TENM3: variants seen among roughly 807,000 people sequenced by gnomAD.
The protein encoded by TENM3 is teneurin-3.
Under a neutral mutation model 255.1 loss-of-function variants are expected in TENM3, and 63 were observed. The ratio of observed to expected loss-of-function variants is 0.25; its 90% confidence interval spans 0.20 to 0.30. The LOEUF is 0.30. TENM3 is among the 10% of genes least tolerant of loss of function. TENM3 has a pLI of 1.00. For synonymous variants in TENM3, 1,306 were observed against 1,322.3 expected (o/e 0.99, Z 0.27); for missense variants, 2,929 against 3,461.1 (o/e 0.85, Z 3.86).
At chr4:182,365,615 T>C (rs569404268) in intron 3 of TENM3, among the ~76,000 whole-genome samples, 65 of 152,352 alleles carry the variant, frequency 4.3e-4, no homozygotes, top group African/African-American at 1.4e-3. Flanking sequence ...TCTGTATCCT[T>C]ATTGAGTAAA....
At chr4:182,167,653 G>A (rs980935076) in intron 1 of TENM3, among the ~76,000 whole-genome samples, 2 of 152,110 alleles carry the variant, frequency 1.3e-5, no homozygotes, top group African/African-American at 4.8e-5. Flanking sequence ...CTGGTGGATT[G>A]CTAGAGCCCA....
chr4:181,719,763 A>G, the TENM3 span, among the ~76,000 whole-genome samples: 1 of 152,260 alleles, frequency 6.6e-6, no homozygotes, highest in Admixed American at 6.5e-5. Context: ...ATTGTAAGCA[A>G]TAGTCTCTAT....
chr4:181,578,244 T>TTGTG, the TENM3 span, among the ~76,000 whole-genome samples: 73 of 151,782 alleles, frequency 4.8e-4, no homozygotes, highest in African/African-American at 1.7e-3. Context: ...CTTTGTTTGT[T>TTGTG]TTCCCTCTTG....
chr4:181,807,356 A>G, the TENM3 span, among the ~76,000 whole-genome samples: 2 of 152,290 alleles, frequency 1.3e-5, no homozygotes, highest in South Asian at 2.1e-4. Flanking sequence ...TCCTTCGAAC[A>G]CTTTTTTTCT....
chr4:182,177,319 TTTC>T (rs1355926287), intron 1 of TENM3, among the ~76,000 whole-genome samples: 2 of 152,092 alleles, frequency 1.3e-5, no homozygotes. Flanking sequence ...ACACTTTCAC[TTTC>T]TCAATCTAAA....
chr4:182,410,072 C>T (rs1018791406), intron 3 of TENM3, among the ~76,000 whole-genome samples: 1 of 152,196 alleles, frequency 6.6e-6, no homozygotes, highest in Non-Finnish European at 1.5e-5. Context: ...AGCTGTCTGC[C>T]TGCCTTGGGC....
At chr4:181,614,637 C>T in the TENM3 span, among the ~76,000 whole-genome samples, 15 of 152,348 alleles carry the variant, frequency 9.8e-5, no homozygotes, top group East Asian at 2.3e-3. Flanking sequence ...GAGCTTACCA[C>T]ATTTCCTCAC....
upstream of TENM3, among the ~76,000 whole-genome samples, chr4:182,240,368 C>T (rs1428337688): frequency 1.3e-5 from 2 of 152,136 alleles, no homozygotes; most frequent in Non-Finnish European, 2.9e-5. Context: ...AGAGCGCTCC[C>T]CACATTCTTT....
At chr4:182,396,886 C>T (rs999589327) in intron 3 of TENM3, among the ~76,000 whole-genome samples, 5 of 151,538 alleles carry the variant, frequency 3.3e-5, no homozygotes, top group African/African-American at 7.3e-5. Flanking sequence ...TGCTTGTACG[C>T]GAGAGTGGGA....
chr4:182,505,390 A>G (rs1277819688), intron 3 of TENM3, among the ~76,000 whole-genome samples: 1 of 152,174 alleles, frequency 6.6e-6, no homozygotes, highest in East Asian at 1.9e-4. Flanking sequence ...TTAAATGTCT[A>G]AATTATTATA....
intron 3 of TENM3, among the ~76,000 whole-genome samples, chr4:182,366,091 T>C (rs537971210): frequency 6.6e-6 from 1 of 152,296 alleles, no homozygotes; most frequent in South Asian, 2.1e-4. Context: ...ATTATGGACA[T>C]GGATTTTTTT....
chr4:182,357,975 A>G (rs1428189703), intron 3 of TENM3, among the ~76,000 whole-genome samples: 3 of 150,042 alleles, frequency 2.0e-5, no homozygotes, highest in African/African-American at 7.3e-5. Flanking sequence ...TAAATAGGGA[A>G]TCCTTTCCCC....
the TENM3 span, among the ~76,000 whole-genome samples, chr4:181,628,778 T>G: frequency 0.09 from 13,626 of 152,182 alleles, 653 homozygotes; most frequent in East Asian, 0.15. Context: ...GATGCCTCCA[T>G]CTTTGTTCTT....
At chr4:182,378,798 C>A (rs934111199) in intron 3 of TENM3, among the ~76,000 whole-genome samples, 1 of 152,068 alleles carries the variant, frequency 6.6e-6, no homozygotes, top group South Asian at 2.1e-4. Flanking sequence ...AATAGGAAGC[C>A]ATGAAAGGGT....
At chr4:181,921,236 T>G in the TENM3 span, among the ~76,000 whole-genome samples, 1 of 152,180 alleles carries the variant, frequency 6.6e-6, no homozygotes, top group Admixed American at 6.5e-5. Flanking sequence ...TGGTTCCATA[T>G]GAACTTTAAA....
the TENM3 span, among the ~76,000 whole-genome samples, chr4:181,799,994 G>C: frequency 6.6e-6 from 1 of 152,178 alleles, no homozygotes; most frequent in Non-Finnish European, 1.5e-5. Context: ...TAAGGTGGCT[G>C]ATGGAGCCAA....
the TENM3 span, among the ~76,000 whole-genome samples, chr4:181,498,244 G>T: frequency 0.11 from 16,381 of 152,080 alleles, 958 homozygotes; most frequent in African/African-American, 0.12. Context: ...AGAAACATCT[G>T]TGAAAAATAC....
rs1424562381 is a variant in TENM3, at chr4:182,160,041, C to T, written c.-76+15287C>T. Among the ~76,000 whole-genome samples, 3 of 143,566 alleles carry T rather than the reference C, an allele frequency of 2.1e-5. 1 individual carries two copies. The highest frequency in any genetic ancestry group is 2.1e-4 in the South Asian group (1 of 4,674). The allele number at this position is 143,566 out of a possible 152,430, so 94.2% of individuals were successfully genotyped here. A position where few individuals can be genotyped will look rare whatever the true frequency, so the allele number is the denominator to read the frequency against. ...TTTTTGAGACGGAGTCTCGCTCTGT[C>T]GCCCAGGCTGGAGTGCAGCGGTGCG... On this transcript the variant is annotated intron_variant, in intron 1 of 2. Coordinates refer to the TENM3 transcript ENST00000512480.
At chr4:182,572,219 AAC>A (rs1744457703) in intron 3 of TENM3, among the ~76,000 whole-genome samples, 1 of 152,222 alleles carries the variant, frequency 6.6e-6, no homozygotes, top group South Asian at 2.1e-4. Flanking sequence ...CTGTTTTTAA[AAC>A]AGAGACTTTG....
Sources: gnomAD v4.1 joint callset for allele counts (sites outside exome capture counted in the v4.1 genomes callset) on GRCh38, gnomAD v4.1.1 for gene constraint, MANE v1.5 for transcripts, NCBI Gene and HGNC (gene_info 2026-07-23, HGNC 2026-07-21) for gene names.